The following DVL2 variants were observed in gnomAD, a reference collection of about 807,000 sequenced individuals.
The protein encoded by DVL2 is segment polarity protein dishevelled homolog DVL-2.
DVL2 carries 38 observed loss-of-function variants against 69.8 expected under a neutral mutation model. That is an observed-to-expected ratio of 0.54 (90% CI 0.42 to 0.71). The LOEUF is 0.71. DVL2 is among the 30% of genes least tolerant of loss of function. The pLI is 0.00. For synonymous variants in DVL2, 428 were observed against 392.4 expected, an observed-to-expected ratio of 1.09 and a Z score of -1.07; for missense variants, 931 against 1,008.1, an observed-to-expected ratio of 0.92 and a Z score of 1.04.
At chr17:7,226,385 A>G in intron 14 of DVL2, 36 bp downstream of exon 14, 1 of 1,530,704 alleles carries the variant, frequency 6.5e-7, no homozygotes. Flanking sequence ...ATCCACCCTC[A>G]GATCCTGGCC....
At position 7,227,415 on chromosome 17, in the gene DVL2, T is replaced by C; in HGVS notation, c.1352A>G (p.Asn451Ser). The C allele has an allele frequency of 6.2e-7, 1 of 1,614,100 alleles. No homozygotes were observed. Among genetic ancestry groups the C allele is most frequent in the South Asian group, 1.1e-5 (1 of 91,084 alleles). The change falls in exon 12 of 15, where the codon AAT becomes AGT. Residue 451 changes from asparagine to serine, a missense_variant. Coordinates refer to ENST00000005340, the MANE Select transcript of DVL2 (RefSeq NM_004422.3). ...DRMWLKITIPNAFLGSDVVDW... is the reference protein window; with the variant it reads ...DRMWLKITIPSAFLGSDVVDW... ...GGACCCAGCCATACCCAGAAAGGCA[T>C]TAGGGATGGTGATCTTGAGCCACAT... is the stretch of plus-strand genomic sequence containing the variant.
chr17:7,232,289 T>C (rs1294712252), intron 1 of DVL2, among the ~76,000 whole-genome samples: 1 of 152,244 alleles, frequency 6.6e-6, no homozygotes, highest in Non-Finnish European at 1.5e-5. Flanking sequence ...ACACCTTGTC[T>C]AATTAACCCG....
chr17:7,234,489 C>G lies in DVL2; in HGVS notation c.-227G>C, dbSNP rs1423914613. The G allele has an allele frequency of 1.8e-6, 1 of 545,570 alleles. No individual in the cohort carries two copies. The allele number at this position is 545,570 out of a possible 1,614,324, so 33.8% of individuals were successfully genotyped here. ...CAGCGGCCGCCGCGCGCCACCGCCA[C>G]CGACGCCGCGAGCTTCCTCCAGGTA... is the stretch of plus-strand genomic sequence containing the variant. On this transcript the variant is annotated 5_prime_UTR_variant, in exon 1 of 15. Transcript: ENST00000005340.
rs59984818 is a variant in DVL2, at chr17:7,233,087, C to CAAAAA, written c.194+977_194+981dup. Among the ~76,000 whole-genome samples the CAAAAA allele has an allele frequency of 9.1e-4, 33 of 36,284 alleles. 3 individuals are homozygous for CAAAAA. Among genetic ancestry groups the CAAAAA allele is most frequent in the Non-Finnish European group, 1.5e-3 (25 of 16,264 alleles). 23.8% of individuals were successfully genotyped at this position (36,284 alleles called of 152,430 possible). On this transcript the variant is annotated intron_variant, in intron 1 of 14. Coordinates refer to ENST00000005340, the MANE Select transcript of DVL2 (RefSeq NM_004422.3). ...CCTGGGCGACAGAGCGAGACTGTCTCAAAAAAAAAAAAAAAAAAAAGCAGA... is the reference window on the plus strand; with the variant it reads ...CCTGGGCGACAGAGCGAGACTGTCTCAAAAAAAAAAAAAAAAAAAAAAAAAGCAGA...
At chr17:7,226,929 G>C in intron 13 of DVL2, 161 bp downstream of exon 13, 2 of 739,894 alleles carry the variant, frequency 2.7e-6, no homozygotes, top group Non-Finnish European at 2.2e-6. Context: ...ATGGGTGGAC[G>C]TCAGCCCCCA....
chr17:7,225,584 G>A lies in DVL2; in HGVS notation c.*281C>T. On this transcript the variant is annotated 3_prime_UTR_variant, in exon 15 of 15. Transcript: ENST00000005340. ...GGATGGGAATTCTTCATATAAAAGAGGAAATGCCTATTAAAAAAGTCCCAA... is the reference window on the plus strand; with the variant it reads ...GGATGGGAATTCTTCATATAAAAGAAGAAATGCCTATTAAAAAAGTCCCAA... 2 of 492,102 alleles carry A rather than the reference G, an allele frequency of 4.1e-6. No homozygotes were observed. Among genetic ancestry groups the A allele is most frequent in the Admixed American group, 3.8e-5 (1 of 26,078 alleles). 30.5% of individuals were successfully genotyped at this position (492,102 alleles called of 1,614,324 possible). A position where few individuals can be genotyped will look rare whatever the true frequency, so the allele number is the denominator to read the frequency against.
Position 7,229,550 on chromosome 17 carries a change from C to T in DVL2, c.747+38G>A, listed in dbSNP as rs752575136. 6.3e-7 allele frequency: 1 copy of T among 1,599,922 alleles called. No homozygotes were observed. The highest frequency in any genetic ancestry group is 8.5e-7 in the Non-Finnish European group (1 of 1,172,254). ...GCCCAAACCAAAGCCCATGCCCCAC[C>T]TTCTCCCAGCACCAGCCTTCCTGTA... is the stretch of plus-strand genomic sequence containing the variant. On this transcript the variant is annotated intron_variant, in intron 6 of 14. Coordinates refer to ENST00000005340, the MANE Select transcript of DVL2 (RefSeq NM_004422.3). This position sits in a 1 kb window ranked among gnomAD's most constrained non-coding sequence, Gnocchi z 4.4.
chr17:7,226,720 A>C (rs2071457940), intron 13 of DVL2, 81 bp from the exon 14 acceptor site: 1 of 1,149,064 alleles, frequency 8.7e-7, no homozygotes, highest in Non-Finnish European at 1.2e-6. Flanking sequence ...AGGAACTGGG[A>C]ACAGTTCTCC....
At chr17:7,228,678 T>G (rs975091158) in intron 9 of DVL2, 86 of 365,284 alleles carry the variant, frequency 2.4e-4, no homozygotes, top group Non-Finnish European at 8.6e-5. Flanking sequence ...CCCCCCAGGG[T>G]TCAAGTGATT....
chr17:7,233,920 G>A (rs1317306865), intron 1 of DVL2, 149 bp downstream of exon 1: 9 of 810,624 alleles, frequency 1.1e-5, no homozygotes, highest in Non-Finnish European at 1.8e-5. Flanking sequence ...TGTCCATCCT[G>A]GGATAGTCAA....
chr17:7,228,947 G>T (rs371738065), intron 9 of DVL2, 22 bp downstream of exon 9: 4 of 1,611,964 alleles, frequency 2.5e-6, no homozygotes, highest in South Asian at 2.2e-5. Context: ...ACTGAGGACC[G>T]GCAACCTGCT....
rs1018912402 is a variant in DVL2, at chr17:7,234,366, C to G, written c.-104G>C. On this transcript the variant is annotated 5_prime_UTR_variant, in exon 1 of 15. Transcript: ENST00000005340. ...AACCGACGCGCGAGCGCGGACAGGACTGACCCAGTACGGGAGAGAAGCAAA... is the reference window on the plus strand; with the variant it reads ...AACCGACGCGCGAGCGCGGACAGGAGTGACCCAGTACGGGAGAGAAGCAAA... 6.8e-6 allele frequency: 9 copies of G among 1,322,020 alleles called. No homozygotes were observed. The highest frequency in any genetic ancestry group is 6.6e-5 in the Admixed American group (3 of 45,182). 81.9% of individuals were successfully genotyped at this position (1,322,020 alleles called of 1,614,324 possible).
At chr17:7,228,106 G>T in intron 9 of DVL2, 62 bp from the exon 10 acceptor site, 1 of 1,378,068 alleles carries the variant, frequency 7.3e-7, no homozygotes, top group Non-Finnish European at 9.9e-7. Flanking sequence ...GAGGGCGGGG[G>T]TCTGAAGCAA....
chr17:7,232,626 T>C (rs930009704), intron 1 of DVL2, among the ~76,000 whole-genome samples: 3 of 152,204 alleles, frequency 2.0e-5, no homozygotes, highest in East Asian at 3.8e-4. Flanking sequence ...TTTAAATAAA[T>C]TGTCCAAGAT....
Position 7,227,776 on chromosome 17 carries a change from G to A in DVL2, c.1110C>T (p.Pro370=). The A allele has an allele frequency of 6.4e-7, 1 of 1,572,254 alleles. No homozygotes were observed. Among genetic ancestry groups the A allele is most frequent in the Non-Finnish European group, 8.6e-7 (1 of 1,158,482 alleles). ...QAYFTLPRNE[P]IQPIDPAAWV... Reference sequence around the variant, plus strand: ...AGGCAGCAGGGTCAATTGGCTGGATGGGCTCATCTGGGACAAAGATGGCAC... The same window carrying A: ...AGGCAGCAGGGTCAATTGGCTGGATAGGCTCATCTGGGACAAAGATGGCAC... The change falls in exon 11 of 15, where the codon CCC becomes CCT. Residue 370 remains proline (P), a synonymous_variant. Coordinates refer to ENST00000005340, the MANE Select transcript of DVL2 (RefSeq NM_004422.3).
intron 1 of DVL2, chr17:7,233,824 C>T (rs1318241289): frequency 4.3e-5 from 25 of 582,788 alleles, no homozygotes; most frequent in Non-Finnish European, 6.7e-5. Context: ...TATGCCCCCA[C>T]CTATTCCAGT....
In DVL2 at chr17:7,227,161, G is replaced by A. The variant is rs780549231; in HGVS notation, c.1472C>T (p.Thr491Ile). ...GLLKAGLIRH[T>I]VNKITFSEQC... ...CTCAGAGAAGGTGATCTTGTTGACG[G>A]TGTGTCGGATCAGGCCTGCTTTGAG... Residue 491 changes from threonine to isoleucine, a missense_variant, in exon 13 of 15, where the codon ACC becomes ATC. Transcript: ENST00000005340. The A allele has an allele frequency of 1.1e-5, 18 of 1,614,066 alleles. No individual in the cohort carries two copies. The highest frequency in any genetic ancestry group is 1.1e-5 in the South Asian group (1 of 91,092).
Position 7,229,507 on chromosome 17 carries a change from T to A in DVL2, c.748-60A>T. 6.2e-7 allele frequency: 1 copy of A among 1,612,700 alleles called. No homozygotes were observed. The highest frequency in any genetic ancestry group is 8.5e-7 in the Non-Finnish European group (1 of 1,178,810). On this transcript the variant is annotated intron_variant, in intron 6 of 14. Coordinates refer to ENST00000005340, the MANE Select transcript of DVL2 (RefSeq NM_004422.3). This position sits in a 1 kb window ranked among gnomAD's most constrained non-coding sequence, Gnocchi z 4.4. ...TAACCCAGGGTCAACCCTGGGGTGC[T>A]GCCGGTGTCCTGGCACCGCCCAAAC...
chr17:7,231,278 G>T (rs958429680), intron 1 of DVL2, among the ~76,000 whole-genome samples: 3 of 145,710 alleles, frequency 2.1e-5, no homozygotes, highest in African/African-American at 5.1e-5. Context: ...AGCCTGGCCA[G>T]CATGGTGAAA....
Sources: allele counts gnomAD v4.1 joint callset (sites outside exome capture counted in the v4.1 genomes callset), GRCh38; gene constraint gnomAD v4.1.1; non-coding constraint Gnocchi (gnomAD v3.1); transcripts MANE v1.5; gene names NCBI Gene and HGNC (gene_info 2026-07-23, HGNC 2026-07-21).